Variants in ABTB2 observed in about 807,000 individuals in gnomAD.
The protein encoded by ABTB2 is ankyrin repeat and BTB/POZ domain-containing protein 2.
Under a neutral mutation model 104.1 loss-of-function variants are expected in ABTB2, and 56 were observed. The ratio of observed to expected loss-of-function variants is 0.54; its 90% confidence interval spans 0.43 to 0.67. ABTB2 has a LOEUF of 0.67. Among genes scored for constraint, ABTB2 ranks in the 30% least tolerant of loss-of-function variants. ABTB2 has a pLI of 0.00. For missense variants in ABTB2, 1,279 were observed against 1,407.7 expected (o/e 0.91, Z 1.46); for synonymous variants, 606 against 608.2 (o/e 1.00, Z 0.05).
At chr11:34,236,903 A>T (rs7930801) in intron 1 of ABTB2, among the ~76,000 whole-genome samples, 4,102 of 152,252 alleles carry the variant, frequency 0.027, 208 homozygotes, top group African/African-American at 0.095. Flanking sequence ...GGCAGCTATT[A>T]TCTGTGGGGG....
intron 1 of ABTB2, among the ~76,000 whole-genome samples, chr11:34,250,666 A>G (rs1015960070): frequency 6.6e-6 from 1 of 152,204 alleles, no homozygotes; most frequent in Non-Finnish European, 1.5e-5. Flanking sequence ...TAGTCTCCAG[A>G]GCAATTCCTC....
chr11:34,331,597 A>G (rs1434651745), intron 1 of ABTB2, among the ~76,000 whole-genome samples: 2 of 152,188 alleles, frequency 1.3e-5, no homozygotes, highest in Non-Finnish European at 2.9e-5. Flanking sequence ...TATCTCTTCC[A>G]TAACAAACAT....
chr11:34,285,064 T>A (rs1439949251), intron 1 of ABTB2, among the ~76,000 whole-genome samples: 1 of 152,236 alleles, frequency 6.6e-6, no homozygotes, highest in Non-Finnish European at 1.5e-5. Flanking sequence ...GATAAAGCCT[T>A]CCTGGGGTCG....
chr11:34,341,771 G>A (rs1352847939), intron 1 of ABTB2, among the ~76,000 whole-genome samples: 4 of 152,130 alleles, frequency 2.6e-5, no homozygotes, highest in Non-Finnish European at 4.4e-5. Context: ...CCCAGGCCAG[G>A]CCTCAGTGTG....
At chr11:34,223,018 GAAACTTTGGGCTTTGACCCAAAGCCC>G (rs1403023869) in intron 1 of ABTB2, among the ~76,000 whole-genome samples, 2 of 152,144 alleles carry the variant, frequency 1.3e-5, no homozygotes, top group Non-Finnish European at 2.9e-5. Flanking sequence ...TATTTAAACT[GAAACTTTGGGCTTTGACCCAAAGCCC>G]CTCGCTGTTT....
At chr11:34,173,497 C>G (rs574411303) in intron 3 of ABTB2, among the ~76,000 whole-genome samples, 190 bp from the exon 4 acceptor site, 81 of 152,170 alleles carry the variant, frequency 5.3e-4, no homozygotes, top group Non-Finnish European at 7.1e-4. Context: ...AGCAGGGGAC[C>G]CCTTAAGCAC....
intron 1 of ABTB2, among the ~76,000 whole-genome samples, chr11:34,314,718 G>C (rs565031226): frequency 1.3e-5 from 2 of 152,298 alleles, no homozygotes; most frequent in African/African-American, 4.8e-5. Flanking sequence ...CTCTTAGAAG[G>C]ACTGGCTAGA....
At chr11:34,224,872 C>T (rs746005516) in intron 1 of ABTB2, among the ~76,000 whole-genome samples, 22 of 152,142 alleles carry the variant, frequency 1.4e-4, no homozygotes, top group Admixed American at 1.3e-4. Flanking sequence ...TCTTTTTTAA[C>T]GAGGCTTTTG....
At chr11:34,207,802 G>T (rs1853427826) in intron 1 of ABTB2, among the ~76,000 whole-genome samples, 1 of 152,240 alleles carries the variant, frequency 6.6e-6, no homozygotes, top group South Asian at 2.1e-4. Flanking sequence ...TGCCCACCTT[G>T]TCCTTTCTCG....
At chr11:34,300,086 G>T (rs769557319) in intron 1 of ABTB2, among the ~76,000 whole-genome samples, 1 of 152,156 alleles carries the variant, frequency 6.6e-6, no homozygotes, top group Non-Finnish European at 1.5e-5. Context: ...GTGAGGAAGG[G>T]TTCTCTTTTA....
chr11:34,286,898 A>G (rs1313220743), intron 1 of ABTB2, among the ~76,000 whole-genome samples: 2 of 152,224 alleles, frequency 1.3e-5, no homozygotes, highest in East Asian at 3.9e-4. Context: ...CACAAGACAG[A>G]ACTACCACCA....
intron 2 of ABTB2, among the ~76,000 whole-genome samples, chr11:34,201,795 C>T (rs963668056): frequency 2.0e-4 from 31 of 152,238 alleles, no homozygotes; most frequent in Non-Finnish European, 7.3e-5. Context: ...ACAGCCTGTT[C>T]TCTGGTCTGT....
At chr11:34,349,461 C>T (rs949932377) in intron 1 of ABTB2, among the ~76,000 whole-genome samples, 16 of 152,186 alleles carry the variant, frequency 1.1e-4, no homozygotes, top group Non-Finnish European at 1.9e-4. Flanking sequence ...GAAAGCCTTG[C>T]GAGTAATACC....
intron 1 of ABTB2, among the ~76,000 whole-genome samples, chr11:34,209,258 G>A (rs905631074): frequency 6.6e-5 from 10 of 151,904 alleles, no homozygotes; most frequent in East Asian, 5.9e-4. Flanking sequence ...AGGTGAGGGA[G>A]AATTACTTGA....
chr11:34,297,875 C>A (rs1037988979), intron 1 of ABTB2, among the ~76,000 whole-genome samples: 1 of 151,412 alleles, frequency 6.6e-6, no homozygotes, highest in Non-Finnish European at 1.5e-5. Flanking sequence ...GAGGTGATTA[C>A]GCCATGAAAG....
At chr11:34,330,659 A>G (rs965860419) in intron 1 of ABTB2, among the ~76,000 whole-genome samples, 3 of 152,240 alleles carry the variant, frequency 2.0e-5, no homozygotes, top group African/African-American at 4.8e-5. Context: ...CAATTGATAA[A>G]TTATACCCAA....
intron 1 of ABTB2, among the ~76,000 whole-genome samples, chr11:34,209,503 C>T (rs918189468): frequency 8.0e-6 from 1 of 125,616 alleles, no homozygotes; most frequent in Non-Finnish European, 1.6e-5. Context: ...ACCTGATCCT[C>T]GCTTCTCTAA....
In ABTB2 at chr11:34,152,454, G is replaced by C; in HGVS notation, c.3011C>G (p.Pro1004Arg). 4 of 1,600,898 alleles carry C rather than the reference G, an allele frequency of 2.5e-6. No homozygotes were observed. Among genetic ancestry groups the C allele is most frequent in the Non-Finnish European group, 2.6e-6 (3 of 1,175,048 alleles). ...CAGGGTGTTCTGCAGGTCCTGCAGT[G>C]GATCCAGGCCCTGCACTTTGCTGCT... ...GRSSKVQGLD[P>R]LQDLQNTLAE... The change falls in exon 17 of 17, where the codon CCA becomes CGA. Residue 1004 changes from proline (P) to arginine (R), a missense_variant. Pro to Arg is a moderately radical substitution (Grantham distance 103). Transcript: ENST00000435224.
intron 1 of ABTB2, among the ~76,000 whole-genome samples, chr11:34,347,822 G>T (rs887532821): frequency 6.6e-6 from 1 of 152,028 alleles, no homozygotes; most frequent in Non-Finnish European, 1.5e-5. Flanking sequence ...AGCTTTTATT[G>T]TCCAAAATAA....
Sources: gnomAD v4.1 joint callset for allele counts (sites outside exome capture counted in the v4.1 genomes callset) on GRCh38, gnomAD v4.1.1 for gene constraint, MANE v1.5 for transcripts, NCBI Gene and HGNC (gene_info 2026-07-23, HGNC 2026-07-21) for gene names.